Variants in NLGN4Y observed in about 807,000 individuals in gnomAD.
NLGN4Y encodes the protein neuroligin 4 Y-linked.
NLGN4Y carries 4 observed loss-of-function variants against 8.4 expected under a neutral mutation model. The observed-to-expected ratio is 0.48, with a 90% CI of 0.23 to 1.09. NLGN4Y has a LOEUF of 1.09. NLGN4Y is among the 50% of genes least tolerant of loss of function. The probability of loss-of-function intolerance (pLI) is 0.19; values close to 1 mark genes in which losing one functional copy is unlikely to be tolerated. For synonymous variants in NLGN4Y, 35 were observed against 75.6 expected, an observed-to-expected ratio of 0.46 and a Z score of 2.78; for missense variants, 90 against 192.3, an observed-to-expected ratio of 0.47 and a Z score of 3.15.
intron 1 of NLGN4Y, among the ~76,000 whole-genome samples, chrY:14,555,951 G>A (rs2080209576): frequency 3.1e-5 from 1 of 32,607 alleles, no homozygotes; most frequent in South Asian, 7.2e-4. Context: ...TCAGGAGTTC[G>A]AGACTAGCCT....
chrY:14,566,759 A>G (rs2150478241), intron 1 of NLGN4Y, among the ~76,000 whole-genome samples: 11 of 32,851 alleles, frequency 3.3e-4, no homozygotes, highest in Admixed American at 3.1e-3. Context: ...ATAATGGACC[A>G]CAGAACTGCA....
At chrY:14,796,084 TC>T (rs2043006984) in intron 4 of NLGN4Y, among the ~76,000 whole-genome samples, 4 of 33,069 alleles carry the variant, frequency 1.2e-4, no homozygotes, top group African/African-American at 4.7e-4. Context: ...TAGGGTGAAT[TC>T]CTATTTCTTG....
At chrY:14,591,931 G>A in intron 1 of NLGN4Y, among the ~76,000 whole-genome samples, 5 of 33,225 alleles carry the variant, frequency 1.5e-4, no homozygotes, top group South Asian at 6.8e-4. Context: ...CTTTTCCTTC[G>A]TAACGAGGGT....
intron 2 of NLGN4Y, among the ~76,000 whole-genome samples, chrY:14,651,516 T>C: frequency 3.0e-5 from 1 of 33,580 alleles, no homozygotes; most frequent in South Asian, 6.6e-4. Flanking sequence ...TTTACATTGA[T>C]GAAATGTTCA....
intron 4 of NLGN4Y, among the ~76,000 whole-genome samples, chrY:14,741,054 A>C (rs2081004811): frequency 9.0e-5 from 3 of 33,447 alleles, no homozygotes; most frequent in Admixed American, 8.2e-4. Context: ...ACTTATTTTT[A>C]AAATGACAGT....
intron 2 of NLGN4Y, among the ~76,000 whole-genome samples, chrY:14,710,747 C>T: frequency 5.9e-5 from 2 of 33,639 alleles, no homozygotes; most frequent in African/African-American, 2.3e-4. Flanking sequence ...AAATGCACAT[C>T]TGCACTATTT....
At chrY:14,792,253 G>T in intron 4 of NLGN4Y, among the ~76,000 whole-genome samples, 1 of 32,963 alleles carries the variant, frequency 3.0e-5, no homozygotes, top group Non-Finnish European at 7.4e-5. Context: ...TCTGCCTATG[G>T]AATGGACATT....
At chrY:14,584,447 A>T (rs2080330843) in intron 1 of NLGN4Y, among the ~76,000 whole-genome samples, 1 of 33,517 alleles carries the variant, frequency 3.0e-5, no homozygotes, top group African/African-American at 1.2e-4. Context: ...ACTTATGCTC[A>T]GGGCAGGTCT....
intron 4 of NLGN4Y, among the ~76,000 whole-genome samples, chrY:14,753,332 T>C (rs2081048120): frequency 3.4e-5 from 1 of 29,255 alleles, no homozygotes; most frequent in African/African-American, 1.3e-4. Flanking sequence ...AGAGATGGGG[T>C]TTTACTGTGT....
At chrY:14,731,908 A>G in intron 4 of NLGN4Y, among the ~76,000 whole-genome samples, 2 of 33,070 alleles carry the variant, frequency 6.0e-5, no homozygotes, top group African/African-American at 1.2e-4. Flanking sequence ...AAAATGGACC[A>G]ATAAACACAT....
At chrY:14,746,480 G>C (rs2081024527) in intron 4 of NLGN4Y, among the ~76,000 whole-genome samples, 1 of 33,555 alleles carries the variant, frequency 3.0e-5, no homozygotes, top group East Asian at 8.0e-4. Flanking sequence ...TAAGGCTGAT[G>C]GGTCATGTAT....
chrY:14,815,781 A>G, intron 4 of NLGN4Y, among the ~76,000 whole-genome samples: 1 of 33,779 alleles, frequency 3.0e-5, no homozygotes, highest in Non-Finnish European at 7.3e-5. Context: ...GAATTATTTC[A>G]TGAATTAGGA....
intron 2 of NLGN4Y, among the ~76,000 whole-genome samples, chrY:14,694,170 TAC>T (rs781310772): frequency 9.1e-4 from 31 of 33,927 alleles, no homozygotes; most frequent in African/African-American, 3.3e-3. Context: ...ATGTGCAACA[TAC>T]ATGATGATGC....
chrY:14,745,291 A>G (rs2081020660), intron 4 of NLGN4Y, among the ~76,000 whole-genome samples: 3 of 33,601 alleles, frequency 8.9e-5, no homozygotes, highest in African/African-American at 3.5e-4. Context: ...TTCAACCAAC[A>G]AAGGTTGCAA....
chrY:14,747,614 G>A, intron 4 of NLGN4Y, among the ~76,000 whole-genome samples: 3 of 33,828 alleles, frequency 8.9e-5, no homozygotes, highest in Non-Finnish European at 2.2e-4. Flanking sequence ...CTAGGCTCAA[G>A]CCATCCTCTG....
intron 1 of NLGN4Y, among the ~76,000 whole-genome samples, chrY:14,597,529 G>C (rs2080407205): frequency 3.1e-5 from 1 of 32,710 alleles, no homozygotes; most frequent in African/African-American, 1.2e-4. Context: ...ACAGAGTTTC[G>C]ACACACATGT....
chrY:14,699,306 G>GT (rs2080841912), intron 2 of NLGN4Y, among the ~76,000 whole-genome samples: 4 of 33,231 alleles, frequency 1.2e-4, no homozygotes, highest in Admixed American at 8.3e-4. Context: ...AACATTGTGA[G>GT]TTTTTTTGTG....
At chrY:14,785,898 C>G in intron 4 of NLGN4Y, among the ~76,000 whole-genome samples, 1 of 31,998 alleles carries the variant, frequency 3.1e-5, no homozygotes, top group Non-Finnish European at 7.6e-5. Context: ...AGTGACTCCT[C>G]AAAGAGCTAA....
intron 3 of NLGN4Y, among the ~76,000 whole-genome samples, chrY:14,722,809 G>T: frequency 1.7e-4 from 2 of 11,907 alleles, no homozygotes; most frequent in East Asian, 4.4e-3. Flanking sequence ...GGAGCTTGCA[G>T]TGAGCCGAGA....
Sources: gnomAD v4.1 joint callset for allele counts (sites outside exome capture counted in the v4.1 genomes callset) on GRCh38, gnomAD v4.1.1 for gene constraint, MANE v1.5 for transcripts, NCBI Gene and HGNC (gene_info 2026-07-23, HGNC 2026-07-21) for gene names.